C3orf70: variants seen among roughly 807,000 people sequenced by gnomAD.
C3orf70 encodes UPF0524 protein C3orf70.
C3orf70 carries 15 observed loss-of-function variants against 20.7 expected under a neutral mutation model. The observed-to-expected ratio is 0.72, with a 90% confidence interval of 0.48 to 1.11. The LOEUF (loss-of-function observed/expected upper bound fraction) is 1.11. C3orf70 is among the 50% of genes most tolerant of loss of function. The pLI is 0.00. For missense variants in C3orf70, 332 were observed against 317.6 expected (o/e 1.05, Z -0.34); for synonymous variants, 161 against 125.7 (o/e 1.28, Z -1.88).
At chr3:185,108,676 C>T (rs1715997607) in intron 1 of C3orf70, among the ~76,000 whole-genome samples, 1 of 152,216 alleles carries the variant, frequency 6.6e-6, no homozygotes, top group South Asian at 2.1e-4. Flanking sequence ...TACAGCATTA[C>T]CTGGAAAGAA....
chr3:185,089,866 C>T (rs1186888371), intron 1 of C3orf70, among the ~76,000 whole-genome samples: 1 of 152,162 alleles, frequency 6.6e-6, no homozygotes, highest in Non-Finnish European at 1.5e-5. Flanking sequence ...AAATAAGTAA[C>T]TTCCACTATT....
At chr3:185,138,444 A>G (rs1716672434) in intron 1 of C3orf70, among the ~76,000 whole-genome samples, 1 of 150,632 alleles carries the variant, frequency 6.6e-6, no homozygotes, top group Non-Finnish European at 1.5e-5. Flanking sequence ...ACAGACAGTA[A>G]TAATAAAAAA....
rs192297142 is a variant in C3orf70 at position 185,103,614 on chromosome 3, C to T, written c.197-20051G>A. Among the ~76,000 whole-genome samples the T allele has an allele frequency of 3.9e-5, 6 of 152,194 alleles. No homozygotes were observed. In the East Asian group the frequency reaches 1.2e-3, roughly 29 times the overall value. On this transcript the variant is annotated intron_variant, in intron 1 of 1. Coordinates refer to ENST00000335012, the MANE Select transcript of C3orf70 (RefSeq NM_001025266.3). ...AAAAGCTCAACATCACTGATCATTA[C>T]AGAAATGCAAATCAAAACCACAATG...
intron 1 of C3orf70, among the ~76,000 whole-genome samples, chr3:185,140,676 C>T (rs1010805072): frequency 2.0e-5 from 3 of 150,708 alleles, no homozygotes; most frequent in African/African-American, 4.9e-5. Flanking sequence ...CAGGGCCAGG[C>T]GGTGGCTCAC....
chr3:185,105,375 C>A (rs551091744), intron 1 of C3orf70, among the ~76,000 whole-genome samples: 2 of 152,354 alleles, frequency 1.3e-5, no homozygotes, highest in South Asian at 4.1e-4. Flanking sequence ...GGTGGAAAAC[C>A]GCTTAAAGCC....
intron 1 of C3orf70, among the ~76,000 whole-genome samples, chr3:185,110,070 G>A (rs953648963): frequency 1.3e-5 from 2 of 152,146 alleles, no homozygotes; most frequent in Non-Finnish European, 2.9e-5. Context: ...AGTATGACAA[G>A]AGTTCCTATT....
intron 1 of C3orf70, among the ~76,000 whole-genome samples, chr3:185,090,085 T>G (rs533056267): frequency 7.9e-5 from 12 of 152,184 alleles, no homozygotes; most frequent in Admixed American, 2.0e-4. Context: ...GAGACAACCC[T>G]GTATTCTTTC....
chr3:185,104,435 A>C (rs764606867), intron 1 of C3orf70, among the ~76,000 whole-genome samples: 7 of 152,200 alleles, frequency 4.6e-5, no homozygotes, highest in Non-Finnish European at 8.8e-5. Context: ...AAAGACCTAA[A>C]AACAGAACTG....
intron 1 of C3orf70, among the ~76,000 whole-genome samples, chr3:185,109,196 C>T (rs1466815887): frequency 6.6e-6 from 1 of 152,132 alleles, no homozygotes; most frequent in Non-Finnish European, 1.5e-5. Context: ...TGAGCCTGCC[C>T]AAAGGCCAGA....
At chr3:185,128,643 C>T (rs1299614416) in intron 1 of C3orf70, among the ~76,000 whole-genome samples, 2 of 151,896 alleles carry the variant, frequency 1.3e-5, no homozygotes, top group Non-Finnish European at 2.9e-5. Context: ...GCTACTTAGT[C>T]CAGAAAAACA....
rs766523883 is a variant in C3orf70, at chr3:185,083,485, G to C, written c.275C>G (p.Thr92Arg). Residue 92 changes from threonine to arginine, a missense_variant, in exon 2 of 2, where the codon ACA becomes AGA. Physicochemically the swap from Thr to Arg is moderately conservative, Grantham distance 71 (BLOSUM62 -1). Coordinates refer to ENST00000335012, the MANE Select transcript of C3orf70 (RefSeq NM_001025266.3). Reference sequence around the variant, plus strand: ...CGAGACTGAGATCTGAATGGTGTTTGTGGGTTCCCGAGGCCTGGCAGGAAT... The same window carrying C: ...CGAGACTGAGATCTGAATGGTGTTTCTGGGTTCCCGAGGCCTGGCAGGAAT... ...TEIPARPREP[T>R]NTIQISVSLT... is the part of the protein sequence containing the mutation. The C allele has an allele frequency of 2.5e-6, 4 of 1,613,918 alleles. No homozygotes were observed. Among genetic ancestry groups the C allele is most frequent in the Non-Finnish European group, 3.4e-6 (4 of 1,180,040 alleles).
At chr3:185,108,977 A>G (rs1194847928) in intron 1 of C3orf70, among the ~76,000 whole-genome samples, 1 of 152,240 alleles carries the variant, frequency 6.6e-6, no homozygotes, top group Non-Finnish European at 1.5e-5. Flanking sequence ...ACAATGCCCC[A>G]GGTTATACTA....
At chr3:185,129,260 G>T (rs555066445) in intron 1 of C3orf70, among the ~76,000 whole-genome samples, 1 of 152,112 alleles carries the variant, frequency 6.6e-6, no homozygotes, top group South Asian at 2.1e-4. Flanking sequence ...AGTGTCTATT[G>T]TTCCCATGTT....
At chr3:185,111,915 A>G (rs777809716) in intron 1 of C3orf70, among the ~76,000 whole-genome samples, 1 of 152,218 alleles carries the variant, frequency 6.6e-6, no homozygotes, top group Non-Finnish European at 1.5e-5. Context: ...AGAAATGCTA[A>G]CTGAAGTCAA....
intron 1 of C3orf70, among the ~76,000 whole-genome samples, chr3:185,136,764 T>C (rs1716633864): frequency 7.3e-6 from 1 of 136,824 alleles, no homozygotes; most frequent in Admixed American, 7.2e-5. Flanking sequence ...CCACAAAAAT[T>C]AGCCGGGTAT....
At chr3:185,096,239 A>AG (rs1186449242) in intron 1 of C3orf70, among the ~76,000 whole-genome samples, 2 of 152,196 alleles carry the variant, frequency 1.3e-5, no homozygotes, top group East Asian at 3.8e-4. Flanking sequence ...CCAAAGCATT[A>AG]GGGGAAGTAA....
intron 1 of C3orf70, among the ~76,000 whole-genome samples, chr3:185,096,442 T>C (rs1400838943): frequency 6.6e-6 from 1 of 152,020 alleles, no homozygotes; most frequent in Non-Finnish European, 1.5e-5. Flanking sequence ...CATTAAACAG[T>C]AAAGAGAAAA....
rs1343157143 is a variant in C3orf70 at position 185,097,364 on chromosome 3, T to C, written c.197-13801A>G. On this transcript the variant is annotated intron_variant, in intron 1 of 1. Coordinates refer to ENST00000335012, the MANE Select transcript of C3orf70 (RefSeq NM_001025266.3). ...ACTAAAACCTATTTTTTAAAGAACATTGTCTTTGTTACTTGAATATTCTAT... is the reference window on the plus strand; with the variant it reads ...ACTAAAACCTATTTTTTAAAGAACACTGTCTTTGTTACTTGAATATTCTAT... 3.3e-5 allele frequency among the ~76,000 whole-genome samples: 5 copies of C among 152,338 alleles called. 1 individual carries two copies. The Middle Eastern group carries it at 0.014, about 415-fold the overall frequency.
intron 1 of C3orf70, among the ~76,000 whole-genome samples, chr3:185,140,799 A>G (rs995690641): frequency 2.0e-5 from 3 of 150,776 alleles, no homozygotes; most frequent in Non-Finnish European, 3.0e-5. Context: ...AAAAAAAAAA[A>G]AAAAAGAAAA....
Sources: gnomAD v4.1 joint callset for allele counts (sites outside exome capture counted in the v4.1 genomes callset) on GRCh38, gnomAD v4.1.1 for gene constraint, MANE v1.5 for transcripts, NCBI Gene and HGNC (gene_info 2026-07-23, HGNC 2026-07-21) for gene names.